CENPP: variants seen among roughly 807,000 people sequenced by gnomAD.
The protein encoded by CENPP is centromere protein P.
A neutral mutation model predicts 35.6 loss-of-function variants in CENPP; 24 were observed. The ratio of observed to expected loss-of-function variants is 0.67; its 90% CI spans 0.49 to 0.95. CENPP has a LOEUF of 0.95. CENPP is among the 40% of genes least tolerant of loss of function. The pLI, the probability that CENPP is intolerant of heterozygous loss-of-function variation, is 0.00. For missense variants in CENPP, 332 were observed against 345.3 expected (o/e 0.96, Z 0.31); for synonymous variants, 120 against 125.5 (o/e 0.96, Z 0.29).
rs561210293 is a variant in CENPP at position 92,427,223 on chromosome 9, C to T, written c.564+47364C>T. ...TGTCGCCAAGGCTGGAGTGCAATGG[C>T]GCCGTCTTGGCTCACTGCAGCCTCC... On this transcript the variant is annotated intron_variant, in intron 5 of 7. Transcript: ENST00000375587. Among the ~76,000 whole-genome samples the T allele has an allele frequency of 3.9e-5, 6 of 152,092 alleles. No individual in the cohort carries two copies. The East Asian group carries it at 7.7e-4, about 20-fold the overall frequency.
intron 5 of CENPP, among the ~76,000 whole-genome samples, chr9:92,555,791 T>C (rs1849712028): frequency 6.6e-6 from 1 of 152,236 alleles, no homozygotes; most frequent in Non-Finnish European, 1.5e-5. Context: ...CTTTTCATCA[T>C]TAATCTTGCT....
intron 5 of CENPP, among the ~76,000 whole-genome samples, chr9:92,460,965 C>T (rs528219656): frequency 1.3e-5 from 2 of 152,306 alleles, no homozygotes; most frequent in African/African-American, 4.8e-5. Context: ...AGGCGTGAGC[C>T]ACCACACCCA....
chr9:92,514,424 C>T (rs2131205730), intron 5 of CENPP, among the ~76,000 whole-genome samples: 1 of 151,820 alleles, frequency 6.6e-6, no homozygotes, highest in South Asian at 2.1e-4. Context: ...ACAGGCATGC[C>T]CCACCACGCC....
intron 5 of CENPP, among the ~76,000 whole-genome samples, chr9:92,460,021 C>T (rs535384377): frequency 2.0e-5 from 3 of 150,012 alleles, no homozygotes; most frequent in South Asian, 2.1e-4. Flanking sequence ...TCACTTGATT[C>T]GCCCCTATCA....
At chr9:92,492,121 C>T (rs776665898) in intron 5 of CENPP, among the ~76,000 whole-genome samples, 4 of 152,190 alleles carry the variant, frequency 2.6e-5, no homozygotes, top group Non-Finnish European at 5.9e-5. Context: ...TCTTCTGTTA[C>T]TCCCCACCTA....
intron 5 of CENPP, among the ~76,000 whole-genome samples, chr9:92,415,738 A>G (rs1843573675): frequency 6.7e-6 from 1 of 149,298 alleles, no homozygotes; most frequent in South Asian, 2.1e-4. Flanking sequence ...AAAAAAAATT[A>G]TCTACAATCC....
intron 5 of CENPP, among the ~76,000 whole-genome samples, chr9:92,552,554 G>T (rs1849638877): frequency 6.6e-6 from 1 of 152,064 alleles, no homozygotes; most frequent in South Asian, 2.1e-4. Context: ...GAGTAAGGTG[G>T]TATCACATTG....
chr9:92,578,267 C>T (rs1311415769), intron 5 of CENPP, among the ~76,000 whole-genome samples: 3 of 152,034 alleles, frequency 2.0e-5, no homozygotes, highest in Non-Finnish European at 4.4e-5. Flanking sequence ...CATACGTGTG[C>T]ATGTGTCTTT....
At chr9:92,437,598 C>T (rs1169985410) in intron 5 of CENPP, among the ~76,000 whole-genome samples, 5 of 151,194 alleles carry the variant, frequency 3.3e-5, no homozygotes, top group Non-Finnish European at 7.4e-5. Flanking sequence ...TTTGTAGAGA[C>T]AGGGTTTCGC....
chr9:92,464,292 G>C (rs1845223167), intron 5 of CENPP, among the ~76,000 whole-genome samples: 1 of 152,194 alleles, frequency 6.6e-6, no homozygotes, highest in Non-Finnish European at 1.5e-5. Context: ...TACTTGAGGT[G>C]CTAGCCTTGG....
At chr9:92,535,417 T>C (rs1462333345) in intron 5 of CENPP, among the ~76,000 whole-genome samples, 1 of 152,180 alleles carries the variant, frequency 6.6e-6, no homozygotes, top group Admixed American at 6.5e-5. Flanking sequence ...TCAAGTAATT[T>C]TTTTCCTTCT....
intron 4 of CENPP, among the ~76,000 whole-genome samples, chr9:92,362,459 A>T (rs753761563): frequency 1.3e-5 from 2 of 152,062 alleles, no homozygotes; most frequent in Non-Finnish European, 2.9e-5. Flanking sequence ...TTGATCATCT[A>T]TTGTGATCAG....
intron 5 of CENPP, chr9:92,495,352 C>T: frequency 3.1e-6 from 3 of 958,432 alleles, no homozygotes; most frequent in Non-Finnish European, 3.7e-6. Context: ...TTTGGTAGGG[C>T]CAATACATAG....
chr9:92,561,720 C>G (rs1202227199), intron 5 of CENPP, among the ~76,000 whole-genome samples: 1 of 152,174 alleles, frequency 6.6e-6, no homozygotes, highest in East Asian at 1.9e-4. Flanking sequence ...TTTTGGTATG[C>G]TTACTGGCAG....
chr9:92,571,907 CTTTTTTT>C (rs145507230), intron 5 of CENPP, among the ~76,000 whole-genome samples: 1 of 127,144 alleles, frequency 7.9e-6, no homozygotes, highest in African/African-American at 3.1e-5. Context: ...TGCAACTCCT[CTTTTTTT>C]TTTTTTTTTT....
intron 4 of CENPP, among the ~76,000 whole-genome samples, chr9:92,374,143 A>G (rs1391918629): frequency 7.1e-6 from 1 of 139,944 alleles, no homozygotes; most frequent in Non-Finnish European, 1.6e-5. Flanking sequence ...AAAAAAAATT[A>G]TTCTGCCAAT....
At chr9:92,558,689 G>A (rs1033191524) in intron 5 of CENPP, among the ~76,000 whole-genome samples, 1 of 152,118 alleles carries the variant, frequency 6.6e-6, no homozygotes, top group African/African-American at 2.4e-5. Flanking sequence ...AGTAGGCGGG[G>A]TCCTAGAATT....
chr9:92,521,721 A>G (rs1848083373), intron 5 of CENPP, among the ~76,000 whole-genome samples: 1 of 152,216 alleles, frequency 6.6e-6, no homozygotes, highest in Admixed American at 6.5e-5. Flanking sequence ...AATCTTTAAA[A>G]AGTCAGTGGT....
At chr9:92,512,542 T>C (rs761337934) in intron 5 of CENPP, among the ~76,000 whole-genome samples, 1 of 152,202 alleles carries the variant, frequency 6.6e-6, no homozygotes, top group Non-Finnish European at 1.5e-5. Flanking sequence ...TTTTTGTCCA[T>C]GAATGCTCAT....
Sources: allele counts gnomAD v4.1 joint callset (sites outside exome capture counted in the v4.1 genomes callset), GRCh38; gene constraint gnomAD v4.1.1; transcripts MANE v1.5; gene names NCBI Gene and HGNC (gene_info 2026-07-23, HGNC 2026-07-21).